SFMBT2: variants seen among roughly 807,000 people sequenced by gnomAD.
SFMBT2 encodes Scm like with four mbt domains 2.
SFMBT2 carries 38 observed loss-of-function variants against 110.1 expected under a neutral mutation model. The ratio of observed to expected loss-of-function variants is 0.35; its 90% CI spans 0.27 to 0.45. SFMBT2 has a LOEUF of 0.45. SFMBT2 is among the 20% of genes least tolerant of loss of function. The pLI is 1.00. For missense variants in SFMBT2, 1,011 were observed against 1,094.9 expected, an observed-to-expected ratio of 0.92 and a Z score of 1.08; for synonymous variants, 425 against 425.4, an observed-to-expected ratio of 1.00 and a Z score of 0.01.
At chr10:7,247,083 A>T (rs1025915459) in intron 8 of SFMBT2, among the ~76,000 whole-genome samples, 2 of 152,202 alleles carry the variant, frequency 1.3e-5, no homozygotes, top group Non-Finnish European at 2.9e-5. Context: ...TTCTTTAAAT[A>T]ACCTTAAATA....
At chr10:7,358,816 C>T (rs992939957) in intron 4 of SFMBT2, among the ~76,000 whole-genome samples, 1 of 151,892 alleles carries the variant, frequency 6.6e-6, no homozygotes, top group South Asian at 2.1e-4. Context: ...GGAATGGAGG[C>T]ATGGTGGCCC....
Position 7,172,519 on chromosome 10 carries a change from C to T in SFMBT2, c.2127G>A (p.Val709=). 6.2e-7 allele frequency: 1 copy of T among 1,614,170 alleles called. No individual in the cohort carries two copies. Among genetic ancestry groups the T allele is most frequent in the Non-Finnish European group, 8.5e-7 (1 of 1,180,038 alleles). ...CCTCCCCCGAGCCCGCGGTGAAGTC[C>T]ACGGCAGAAGACCTCCGTTTCTTCT... ...FVQKKRRSSA[V]DFTAGSGEES... is the part of the protein sequence containing the mutation. Residue 709 remains valine, a synonymous_variant, in exon 18 of 21, where the codon GTG becomes GTA. Coordinates refer to ENST00000397167, the MANE Select transcript of SFMBT2 (RefSeq NM_001387889.1). This position sits in a 1 kb window ranked among gnomAD's most constrained non-coding sequence, Gnocchi z 4.6.
chr10:7,337,524 G>T (rs553015520), intron 4 of SFMBT2, among the ~76,000 whole-genome samples: 1 of 151,988 alleles, frequency 6.6e-6, no homozygotes, highest in Admixed American at 6.6e-5. Flanking sequence ...AAAAGTGTGC[G>T]GCACCTCCCC....
chr10:7,379,798 T>C (rs1845371459), intron 2 of SFMBT2, among the ~76,000 whole-genome samples: 1 of 152,216 alleles, frequency 6.6e-6, no homozygotes, highest in African/African-American at 2.4e-5. Context: ...ACATGGGTTT[T>C]CTGCATGGAC....
At chr10:7,221,417 T>C (rs1314491768) in intron 10 of SFMBT2, among the ~76,000 whole-genome samples, 1 of 151,704 alleles carries the variant, frequency 6.6e-6, no homozygotes, top group Non-Finnish European at 1.5e-5. Flanking sequence ...AATACAAAAA[T>C]TAGCTGAGCA....
At chr10:7,345,879 C>G (rs1844093531) in intron 4 of SFMBT2, among the ~76,000 whole-genome samples, 1 of 152,218 alleles carries the variant, frequency 6.6e-6, no homozygotes, top group African/African-American at 2.4e-5. Flanking sequence ...CAGACACTAG[C>G]TGGAACGGAA....
chr10:7,410,102 C>A (rs1173421761), intron 1 of SFMBT2, among the ~76,000 whole-genome samples: 1 of 152,184 alleles, frequency 6.6e-6, no homozygotes, highest in Non-Finnish European at 1.5e-5. Context: ...AGAACCAGCT[C>A]AAGTCAGCAA....
chr10:7,395,034 T>C (rs532316413), intron 1 of SFMBT2, among the ~76,000 whole-genome samples: 91 of 152,302 alleles, frequency 6.0e-4, no homozygotes, highest in African/African-American at 1.9e-3. Context: ...GAATGCTACG[T>C]TGGGCCGGGC....
chr10:7,274,007 T>C (rs756643588), intron 7 of SFMBT2, among the ~76,000 whole-genome samples: 3 of 152,152 alleles, frequency 2.0e-5, no homozygotes, highest in Non-Finnish European at 2.9e-5. Flanking sequence ...CTATTCACAA[T>C]ACCAAAGACT....
intron 1 of SFMBT2, among the ~76,000 whole-genome samples, chr10:7,405,064 T>C (rs927822558): frequency 4.6e-5 from 7 of 152,214 alleles, no homozygotes; most frequent in South Asian, 4.1e-4. Context: ...TCTTAGGAAT[T>C]GTCCCAGAAA....
At chr10:7,213,309 G>A (rs113824694) in intron 11 of SFMBT2, among the ~76,000 whole-genome samples, 2,524 of 152,298 alleles carry the variant, frequency 0.017, 28 homozygotes, top group Non-Finnish European at 0.023. Flanking sequence ...GGCAATGCCT[G>A]TATTTTACAG....
At position 7,276,905 on chromosome 10, in the gene SFMBT2, A is replaced by T. The variant is rs1243268289; in HGVS notation, c.857T>A (p.Met286Lys). ...LIDAAKFPLP[M>K]EVFKDHADLR... is the part of the protein sequence containing the mutation. The stretch of plus-strand genomic sequence containing the variant: ...TCAACATCTTACCTTAAACACTTCC[A>T]TTGGAAGAGGAAATTTGGCAGCATC... Residue 286 changes from methionine to lysine, a missense_variant, in exon 7 of 21, where the codon ATG (methionine) becomes AAG (lysine). By Grantham distance (95) the Met-to-Lys change is moderately conservative. Transcript: ENST00000397167. The T allele has an allele frequency of 2.3e-6, 2 of 871,856 alleles. No homozygotes were observed. The highest frequency in any genetic ancestry group is 4.0e-6 in the Non-Finnish European group (2 of 500,752). The allele number at this position is 871,856 out of a possible 1,614,324, so 54.0% of individuals were successfully genotyped here. A position where few individuals can be genotyped will look rare whatever the true frequency, so the allele number is the denominator to read the frequency against.
At chr10:7,224,830 C>T (rs536098259) in intron 10 of SFMBT2, among the ~76,000 whole-genome samples, 145 of 152,316 alleles carry the variant, frequency 9.5e-4, no homozygotes, top group African/African-American at 3.4e-3. Flanking sequence ...CCAAGATAAA[C>T]AGGTTCCTGT....
At chr10:7,362,217 C>G (rs540940400) in intron 4 of SFMBT2, among the ~76,000 whole-genome samples, 1 of 152,246 alleles carries the variant, frequency 6.6e-6, no homozygotes, top group East Asian at 1.9e-4. Context: ...AGCAGGAACG[C>G]TGCTCTGAAC....
chr10:7,300,034 G>A (rs557120188), intron 4 of SFMBT2, among the ~76,000 whole-genome samples: 110 of 152,266 alleles, frequency 7.2e-4, no homozygotes, highest in African/African-American at 2.6e-3. Flanking sequence ...GATGAAGCTG[G>A]AAGTCATCAT....
Position 7,172,004 on chromosome 10 carries a change from G to C in SFMBT2, c.2306C>G (p.Pro769Arg). Residue 769 changes from proline (P) to arginine (R), a missense_variant, in exon 19 of 21, where the codon CCC (proline) becomes CGC (arginine). Pro to Arg is a moderately radical substitution (Grantham distance 103). Around this residue, in one of 2 missense-constraint regions of SFMBT2, gnomAD observed 979 missense variants for 1,016.1 expected, o/e 0.96. Transcript: ENST00000397167. This position sits in a 1 kb window ranked among gnomAD's most constrained non-coding sequence, Gnocchi z 4.6. ...CCTCTCTGGGGGTGGCCGGCGCACG[G>C]GCTCTGAGCCGCTCCGCAGGGTGAC... ...RAVTLRSGSE[P>R]VRRPPPERTR... 6.4e-7 allele frequency: 1 copy of C among 1,566,722 alleles called. No individual in the cohort carries two copies. The highest frequency in any genetic ancestry group is 8.6e-7 in the Non-Finnish European group (1 of 1,159,292).
chr10:7,185,678 A>G (rs1298329115), intron 16 of SFMBT2, among the ~76,000 whole-genome samples: 4 of 152,252 alleles, frequency 2.6e-5, no homozygotes, highest in Non-Finnish European at 5.9e-5. Flanking sequence ...GACTAGAAGA[A>G]TTATTAAGCT....
intron 7 of SFMBT2, chr10:7,249,580 C>T (rs1471991024): frequency 1.0e-6 from 1 of 984,036 alleles, no homozygotes; most frequent in Non-Finnish European, 1.2e-6. Context: ...ATCTGGGGAC[C>T]TGTTACTTTC....
At position 7,228,779 on chromosome 10, in the gene SFMBT2, T is replaced by C. The variant is rs868581895; in HGVS notation, c.1121-842A>G. Among the ~76,000 whole-genome samples the C allele has an allele frequency of 9.2e-5, 11 of 119,464 alleles. 1 individual carries two copies. The highest frequency in any genetic ancestry group is 6.8e-4 in the South Asian group (2 of 2,946). 78.4% of individuals were successfully genotyped at this position (119,464 alleles called of 152,430 possible). ...CTCTCTCTCTCTCTCTCTCTCTCTC[T>C]CTCCCCCTCCCTCTCTCTCTCTCTT... On this transcript the variant is annotated intron_variant, in intron 9 of 20. Transcript: ENST00000397167.
Sources: gnomAD v4.1 joint callset for allele counts (sites outside exome capture counted in the v4.1 genomes callset) on GRCh38, gnomAD v4.1.1 for gene constraint, gnomAD v4.1.1 regional missense constraint, Gnocchi (gnomAD v3.1) non-coding constraint, MANE v1.5 for transcripts, NCBI Gene and HGNC (gene_info 2026-07-23, HGNC 2026-07-21) for gene names.